The following CD59 variants were observed in gnomAD, a reference collection of about 807,000 sequenced individuals.
CD59 encodes the protein CD59 molecule (CD59 blood group), also known as CD59 glycoprotein.
In CD59, 3 loss-of-function variants were observed where a neutral mutation model predicts 7.0. The ratio of observed to expected loss-of-function variants is 0.43; its 90% CI spans 0.19 to 1.10. The LOEUF (loss-of-function observed/expected upper bound fraction) is 1.10, where lower values mean the gene tolerates loss of function less well. Ranked by LOEUF, CD59 falls within the 50% of genes least tolerant of loss-of-function variation. CD59 has a pLI of 0.29. For synonymous variants in CD59, 60 were observed against 62.0 expected (o/e 0.97, Z 0.15); for missense variants, 143 against 151.0 (o/e 0.95, Z 0.28).
intron 1 of CD59, among the ~76,000 whole-genome samples, chr11:33,727,783 C>A (rs1854301734): frequency 6.6e-6 from 1 of 152,186 alleles, no homozygotes; most frequent in African/African-American, 2.4e-5. Flanking sequence ...ATCGTCTCAG[C>A]ACAAAATCTC....
chr11:33,714,480 A>C (rs1014733654), intron 3 of CD59, among the ~76,000 whole-genome samples: 4 of 152,236 alleles, frequency 2.6e-5, no homozygotes, highest in African/African-American at 9.6e-5. Flanking sequence ...GCGAATGTGA[A>C]GGCCTAGGAC....
intron 1 of CD59, among the ~76,000 whole-genome samples, chr11:33,735,744 C>T (rs1445106105): frequency 6.6e-6 from 1 of 152,030 alleles, no homozygotes; most frequent in South Asian, 2.1e-4. Context: ...GGGAAAACCC[C>T]GTTTCTACTA....
chr11:33,706,442 A>G lies in CD59; in HGVS notation c.*3684T>C, dbSNP rs1355325619. The G allele has an allele frequency of 1.3e-5, 2 of 152,096 alleles. No homozygotes were observed. The allele number at this position is 152,096 out of a possible 1,614,324, so 9.4% of individuals were successfully genotyped here. A position where few individuals can be genotyped will look rare whatever the true frequency, so the allele number is the denominator to read the frequency against. ...TCTTACAGCCTTAACAACCTTGTAA[A>G]TCCATAACTAGCATCTTCCTATCTG... On this transcript the variant is annotated 3_prime_UTR_variant, in exon 4 of 4. Transcript: ENST00000642928.
At chr11:33,721,493 C>A (rs1454661046) in intron 2 of CD59, among the ~76,000 whole-genome samples, 1 of 152,178 alleles carries the variant, frequency 6.6e-6, no homozygotes, top group East Asian at 1.9e-4. Context: ...ACTTTCTTTT[C>A]TGCTCCCCCC....
intron 1 of CD59, among the ~76,000 whole-genome samples, chr11:33,727,453 C>T (rs979774456): frequency 2.6e-5 from 4 of 152,100 alleles, no homozygotes; most frequent in Admixed American, 2.6e-4. Context: ...ACAGAAAACG[C>T]CTTCAACAAA....
Position 33,710,152 on chromosome 11 carries a change from C to T in CD59, c.361G>A (p.Ala121Thr). ...TVLLLVTPFL[A>T]AAWSLHP Reference sequence around the variant, plus strand: ...TAGGGATGAAGGCTCCAGGCTGCTGCCAGAAATGGAGTCACCAGCAGAAGA... The same window carrying T: ...TAGGGATGAAGGCTCCAGGCTGCTGTCAGAAATGGAGTCACCAGCAGAAGA... The change falls in exon 4 of 4, where the codon GCA (alanine) becomes ACA (threonine). Residue 121 changes from alanine to threonine, a missense_variant. Transcript: ENST00000642928. The T allele has an allele frequency of 6.2e-7, 1 of 1,613,568 alleles. No homozygotes were observed. The highest frequency in any genetic ancestry group is 1.1e-5 in the South Asian group (1 of 90,968).
Position 33,722,747 on chromosome 11 carries a change from C to T in CD59, c.-18-284G>A. ...TCAAATGACAATATGAGCAAATTGA[C>T]TCATATAGCCACTGTGGTTCCCACT... is the stretch of plus-strand genomic sequence containing the variant. On this transcript the variant is annotated intron_variant, in intron 1 of 3. Coordinates refer to ENST00000642928, the MANE Select transcript of CD59 (RefSeq NM_000611.6). 3 of 1,175,380 alleles carry T rather than the reference C, an allele frequency of 2.6e-6. No individual in the cohort carries two copies. In the South Asian group the frequency reaches 4.7e-5, roughly 18 times the overall value. The allele number at this position is 1,175,380 out of a possible 1,614,324, so 72.8% of individuals were successfully genotyped here.
At chr11:33,710,423 G>T in intron 3 of CD59, 80 bp from the exon 4 acceptor site, 3 of 1,132,662 alleles carry the variant, frequency 2.6e-6, no homozygotes, top group East Asian at 2.3e-5. Context: ...ATTCTATTTC[G>T]TATGTATCCT....
rs1853202551 is a variant in CD59 at position 33,703,904 on chromosome 11, T to C, written c.*6222A>G. The C allele has an allele frequency of 6.6e-6, 1 of 152,230 alleles. No individual in the cohort carries two copies. 9.4% of individuals were successfully genotyped at this position (152,230 alleles called of 1,614,324 possible). A position where few individuals can be genotyped will look rare whatever the true frequency, so the allele number is the denominator to read the frequency against. On this transcript the variant is annotated 3_prime_UTR_variant, in exon 4 of 4. Coordinates refer to ENST00000642928, the MANE Select transcript of CD59 (RefSeq NM_000611.6). ...GACTCATTGCAGTTGGCACTAATTT[T>C]CCATTGCCACAGCCCTCTCCAGCCA...
rs1311985746 is a variant in CD59 at position 33,704,017 on chromosome 11, C to G, written c.*6109G>C. Reference sequence around the variant, plus strand: ...TCAGAGAAAGCACAGAAAGCCTTCTCTGTCCCAAGGAGCCCCCCTTCCCCT... The same window carrying G: ...TCAGAGAAAGCACAGAAAGCCTTCTGTGTCCCAAGGAGCCCCCCTTCCCCT... On this transcript the variant is annotated 3_prime_UTR_variant, in exon 4 of 4. Transcript: ENST00000642928. The G allele has an allele frequency of 6.6e-6, 1 of 152,392 alleles. No homozygotes were observed. Among genetic ancestry groups the G allele is most frequent in the African/African-American group, 2.4e-5 (1 of 41,422 alleles). The allele number at this position is 152,392 out of a possible 1,614,324, so 9.4% of individuals were successfully genotyped here.
intron 1 of CD59, chr11:33,733,603 G>A (rs1459813981): frequency 6.6e-6 from 1 of 151,942 alleles, no homozygotes; most frequent in East Asian, 1.9e-4. Flanking sequence ...TTGGGCAACA[G>A]AGAGAGACTG....
At chr11:33,719,416 G>A (rs1331008712) in intron 2 of CD59, 1 of 152,230 alleles carries the variant, frequency 6.6e-6, no homozygotes. Flanking sequence ...GTAGCCAGGA[G>A]TTTGAGACCA....
At chr11:33,734,300 T>C (rs1854501775) in intron 1 of CD59, among the ~76,000 whole-genome samples, 1 of 152,202 alleles carries the variant, frequency 6.6e-6, no homozygotes, top group South Asian at 2.1e-4. Flanking sequence ...GAATAACCAC[T>C]CCAAAACTCT....
chr11:33,717,231 T>C (rs1290735807), intron 3 of CD59, 139 bp downstream of exon 3: 1 of 693,082 alleles, frequency 1.4e-6, no homozygotes, highest in East Asian at 2.7e-5. Context: ...AAGAAAGTGC[T>C]TAGCCCAATA....
chr11:33,709,877 G>T lies in CD59; in HGVS notation c.*249C>A. On this transcript the variant is annotated 3_prime_UTR_variant, in exon 4 of 4. Transcript: ENST00000642928. Reference sequence around the variant, plus strand: ...GGTCTTCCCAAGAGCAAAGGAGGAAGCATGCAATCTAGTTCAAGTCACACC... The same window carrying T: ...GGTCTTCCCAAGAGCAAAGGAGGAATCATGCAATCTAGTTCAAGTCACACC... The T allele has an allele frequency of 5.1e-6, 3 of 586,432 alleles. No individual in the cohort carries two copies. In the South Asian group the frequency reaches 6.1e-5, roughly 12 times the overall value. The allele number at this position is 586,432 out of a possible 1,614,324, so 36.3% of individuals were successfully genotyped here.
At chr11:33,725,364 C>T (rs1268507672) in intron 1 of CD59, among the ~76,000 whole-genome samples, 1 of 151,582 alleles carries the variant, frequency 6.6e-6, no homozygotes, top group Non-Finnish European at 1.5e-5. Context: ...GTTGCCATTC[C>T]ACCCAAACCA....
At chr11:33,712,941 G>A (rs1027686857) in intron 3 of CD59, among the ~76,000 whole-genome samples, 1 of 152,056 alleles carries the variant, frequency 6.6e-6, no homozygotes, top group African/African-American at 2.4e-5. Context: ...AATACACTTC[G>A]TTTATGTTTC....
intron 1 of CD59, among the ~76,000 whole-genome samples, chr11:33,725,860 C>CA (rs1362947982): frequency 1.3e-5 from 2 of 151,588 alleles, no homozygotes; most frequent in African/African-American, 4.8e-5. Context: ...AAATGGAAAG[C>CA]AAAAAAAGCA....
At chr11:33,732,655 A>G (rs896550992) in intron 1 of CD59, among the ~76,000 whole-genome samples, 1 of 152,250 alleles carries the variant, frequency 6.6e-6, no homozygotes, top group African/African-American at 2.4e-5. Flanking sequence ...TGCTCTTGAC[A>G]TAGTAACTGG....
Sources: gnomAD v4.1 joint callset for allele counts (sites outside exome capture counted in the v4.1 genomes callset) on GRCh38, gnomAD v4.1.1 for gene constraint, MANE v1.5 for transcripts, NCBI Gene and HGNC (gene_info 2026-07-23, HGNC 2026-07-21) for gene names.